SEMA5A: variants seen among roughly 807,000 people sequenced by gnomAD.
SEMA5A encodes semaphorin 5A.
A neutral mutation model predicts 135.5 loss-of-function variants in SEMA5A; 55 were observed. The ratio of observed to expected loss-of-function variants is 0.41; its 90% CI spans 0.33 to 0.51. The LOEUF (loss-of-function observed/expected upper bound fraction) is 0.51, where lower values mean the gene tolerates loss of function less well. Ranked by LOEUF, SEMA5A falls within the 20% of genes least tolerant of loss-of-function variation. The pLI is 0.37. For missense variants in SEMA5A, 1,290 were observed against 1,419.9 expected (o/e 0.91, Z 1.47); for synonymous variants, 580 against 546.5 (o/e 1.06, Z -0.85).
chr5:9,140,309 T>G (rs1409084711), intron 12 of SEMA5A, among the ~76,000 whole-genome samples: 10 of 152,228 alleles, frequency 6.6e-5, no homozygotes, highest in Admixed American at 6.5e-4. Context: ...ATTGATTTAA[T>G]AACACTTTTT....
At chr5:9,213,901 C>G (rs3026331) in intron 8 of SEMA5A, among the ~76,000 whole-genome samples, 3,174 of 152,204 alleles carry the variant, frequency 0.021, 94 homozygotes, top group African/African-American at 0.069. Flanking sequence ...TGGCAGCACT[C>G]TGGCTTTCTC....
chr5:9,524,423 C>T (rs1380899969), intron 1 of SEMA5A, among the ~76,000 whole-genome samples: 8 of 152,150 alleles, frequency 5.3e-5, no homozygotes, highest in Non-Finnish European at 1.2e-4. Context: ...GAGCACTCCA[C>T]GTGACTACTG....
intron 5 of SEMA5A, among the ~76,000 whole-genome samples, chr5:9,272,372 A>T (rs186513369): frequency 2.0e-5 from 3 of 152,216 alleles, no homozygotes; most frequent in East Asian, 3.9e-4. Flanking sequence ...TCAGGGACTT[A>T]TAGATAAAAC....
chr5:9,118,185 CT>C (rs1740622599), intron 15 of SEMA5A, among the ~76,000 whole-genome samples: 1 of 152,164 alleles, frequency 6.6e-6, no homozygotes, highest in African/African-American at 2.4e-5. Flanking sequence ...TTAAAATGCA[CT>C]GAAAGTCATT....
intron 1 of SEMA5A, among the ~76,000 whole-genome samples, chr5:9,474,497 A>C (rs1759596842): frequency 6.6e-6 from 1 of 151,876 alleles, no homozygotes; most frequent in South Asian, 2.1e-4. Flanking sequence ...AAAAAAAAAA[A>C]AATAGGGCAT....
intron 1 of SEMA5A, among the ~76,000 whole-genome samples, chr5:9,441,714 G>A (rs536968362): frequency 6.6e-6 from 1 of 152,310 alleles, no homozygotes; most frequent in African/African-American, 2.4e-5. Context: ...CAGGGAGGGT[G>A]GCATCAGGAG....
intron 16 of SEMA5A, among the ~76,000 whole-genome samples, chr5:9,074,224 T>C (rs184897530): frequency 1.1e-3 from 165 of 152,290 alleles, no homozygotes; most frequent in African/African-American, 3.8e-3. Flanking sequence ...GTTTTGTAAA[T>C]GTGCAAAGGC....
Position 9,122,989 on chromosome 5 carries a change from T to C in SEMA5A, c.1600-152A>G, listed in dbSNP as rs567792062. ...TTAGAAAAAGGGCCAGGCGCGGTGGTTCACGCCTGCATCCCAGCACTTCAG... is the reference window on the plus strand; with the variant it reads ...TTAGAAAAAGGGCCAGGCGCGGTGGCTCACGCCTGCATCCCAGCACTTCAG... On this transcript the variant is annotated intron_variant, in intron 13 of 22. Transcript: ENST00000382496. The C allele has an allele frequency of 2.0e-4, 129 of 645,438 alleles. No homozygotes were observed. In the Middle Eastern group the frequency reaches 2.4e-3, roughly 12 times the overall value. The allele number at this position is 645,438 out of a possible 1,614,324, so 40.0% of individuals were successfully genotyped here.
At chr5:9,243,660 T>C (rs1748328736) in intron 5 of SEMA5A, among the ~76,000 whole-genome samples, 1 of 152,172 alleles carries the variant, frequency 6.6e-6, no homozygotes. Context: ...CAGTGCTAAA[T>C]GCTTTCTATA....
chr5:9,425,468 T>G (rs1481300601), intron 2 of SEMA5A, among the ~76,000 whole-genome samples: 3 of 152,208 alleles, frequency 2.0e-5, no homozygotes, highest in African/African-American at 7.2e-5. Flanking sequence ...AAGCAGTCAG[T>G]GTGTGACAGC....
chr5:9,180,372 A>C (rs1005118893), intron 11 of SEMA5A, among the ~76,000 whole-genome samples: 1 of 152,184 alleles, frequency 6.6e-6, no homozygotes, highest in African/African-American at 2.4e-5. Flanking sequence ...GTTATCAAAG[A>C]AGCACTCAAA....
chr5:9,285,760 C>A (rs1245761007), intron 5 of SEMA5A, among the ~76,000 whole-genome samples: 1 of 152,194 alleles, frequency 6.6e-6, no homozygotes, highest in Non-Finnish European at 1.5e-5. Flanking sequence ...GATGAAAAGC[C>A]CTTTTCAAGC....
At chr5:9,144,255 T>A (rs1032369829) in intron 12 of SEMA5A, among the ~76,000 whole-genome samples, 2 of 152,194 alleles carry the variant, frequency 1.3e-5, no homozygotes, top group African/African-American at 4.8e-5. Flanking sequence ...CTATATAACA[T>A]GTTTTTCTTT....
intron 5 of SEMA5A, among the ~76,000 whole-genome samples, chr5:9,263,876 C>G (rs1480996275): frequency 1.3e-5 from 2 of 152,200 alleles, no homozygotes; most frequent in African/African-American, 4.8e-5. Context: ...AAATAAATCT[C>G]AAAGTGCTCT....
chr5:9,230,682 T>C lies in SEMA5A; in HGVS notation c.334-3715A>G, dbSNP rs149965072. On this transcript the variant is annotated intron_variant, in intron 6 of 22. Transcript: ENST00000382496. ...ATCAGGCAAGGAGGTCTGTGCAGAA[T>C]TTTTATAAAATGATGGAGGGTGGCC... 1.7e-4 allele frequency among the ~76,000 whole-genome samples: 26 copies of C among 152,240 alleles called. No homozygotes were observed. The East Asian group carries it at 5.0e-3, about 29-fold the overall frequency.
At chr5:9,175,912 C>A (rs563736122) in intron 11 of SEMA5A, among the ~76,000 whole-genome samples, 145 of 152,302 alleles carry the variant, frequency 9.5e-4, no homozygotes, top group African/African-American at 3.3e-3. Context: ...CAGAGGGCAT[C>A]TAATAGACCT....
At position 9,385,220 on chromosome 5, in the gene SEMA5A, T is replaced by A. The variant is rs911787114; in HGVS notation, c.-77-5197A>T. ...GTACAACTCTGTATAGAAGTGTTTG[T>A]GCAATAAATAACATTTCTCATTCAC... is the stretch of plus-strand genomic sequence containing the variant. On this transcript the variant is annotated intron_variant, in intron 2 of 22. Transcript: ENST00000382496. Among the ~76,000 whole-genome samples, 4 of 152,186 alleles carry A rather than the reference T, an allele frequency of 2.6e-5. No individual in the cohort carries two copies. In the East Asian group the frequency reaches 7.7e-4, roughly 29 times the overall value.
chr5:9,324,078 T>TG (rs796621106), intron 4 of SEMA5A, among the ~76,000 whole-genome samples: 18 of 152,042 alleles, frequency 1.2e-4, no homozygotes, highest in African/African-American at 4.3e-4. Flanking sequence ...TATTTTATTT[T>TG]TTTTTTTTGA....
intron 4 of SEMA5A, among the ~76,000 whole-genome samples, chr5:9,332,753 C>T (rs1416093281): frequency 1.3e-5 from 2 of 152,342 alleles, no homozygotes; most frequent in East Asian, 3.9e-4. Flanking sequence ...TCTCTAGTGC[C>T]TTTTGTTCCC....
Sources: gnomAD v4.1 joint callset for allele counts (sites outside exome capture counted in the v4.1 genomes callset) on GRCh38, gnomAD v4.1.1 for gene constraint, MANE v1.5 for transcripts, NCBI Gene and HGNC (gene_info 2026-07-23, HGNC 2026-07-21) for gene names.